Variants in BRIP1 observed in about 807,000 individuals in gnomAD.
The protein encoded by BRIP1 is BRCA1 interacting DNA helicase 1, also known as Fanconi anemia group J protein.
In BRIP1, 88 loss-of-function variants were observed where a neutral mutation model predicts 119.7. That is an observed-to-expected ratio of 0.74 (90% CI 0.62 to 0.88). The LOEUF (loss-of-function observed/expected upper bound fraction) is 0.88. Among genes scored for constraint, BRIP1 ranks in the 40% least tolerant of loss-of-function variants. The pLI is 0.00. For missense variants in BRIP1, 1,259 were observed against 1,455.4 expected (o/e 0.87, Z 2.20); for synonymous variants, 443 against 496.5 (o/e 0.89, Z 1.43).
At position 61,722,581 on chromosome 17, in the gene BRIP1, A is replaced by G. The variant is rs1389134429; in HGVS notation, c.2380-6518T>C. Among the ~76,000 whole-genome samples, 7 of 152,232 alleles carry G rather than the reference A, an allele frequency of 4.6e-5. No homozygotes were observed. The highest frequency in any genetic ancestry group is 4.6e-4 in the Admixed American group (7 of 15,278). ...TCTTTAACAATATTTTCCTCAAAGA[A>G]AGTTGACATCTACTTTGTCAGACAT... On this transcript the variant is annotated intron_variant, in intron 16 of 19. Transcript: ENST00000259008. The surrounding 1 kb of genome is among the most constrained non-coding windows in gnomAD (Gnocchi z 4.6).
chr17:61,768,138 C>T lies in BRIP1; in HGVS notation c.2097+8263G>A, dbSNP rs1470434595. On this transcript the variant is annotated intron_variant, in intron 14 of 19. Coordinates refer to ENST00000259008, the MANE Select transcript of BRIP1 (RefSeq NM_032043.3). This position sits in a 1 kb window ranked among gnomAD's most constrained non-coding sequence, Gnocchi z 5.0. ...AACTTGTTTATTTTTGAATCTTTAA[C>T]AGGACTTAGTGCAGTCCTCCGCACA... Among the ~76,000 whole-genome samples, 1 of 152,168 alleles carries T rather than the reference C, an allele frequency of 6.6e-6. No individual in the cohort carries two copies. Among genetic ancestry groups the T allele is most frequent in the African/African-American group, 2.4e-5 (1 of 41,434 alleles).
chr17:61,807,769 T>C lies in BRIP1; in HGVS notation c.918+698A>G, dbSNP rs539695923. 6.6e-6 allele frequency among the ~76,000 whole-genome samples: 1 copy of C among 152,242 alleles called. No homozygotes were observed. The highest frequency in any genetic ancestry group is 2.4e-5 in the African/African-American group (1 of 41,572). The stretch of plus-strand genomic sequence containing the variant: ...TATAATTTCATACTTGCAACTTCAA[T>C]TTTAGAGTAAACTAATTATCACACC... On this transcript the variant is annotated intron_variant, in intron 7 of 19. Coordinates refer to ENST00000259008, the MANE Select transcript of BRIP1 (RefSeq NM_032043.3). The surrounding 1 kb of genome is among the most constrained non-coding windows in gnomAD (Gnocchi z 4.5).
Position 61,753,254 on chromosome 17 carries a change from G to A in BRIP1, c.2098-8663C>T, listed in dbSNP as rs1006588325. Among the ~76,000 whole-genome samples, 4 of 152,116 alleles carry A rather than the reference G, an allele frequency of 2.6e-5. No homozygotes were observed. Among genetic ancestry groups the A allele is most frequent in the Non-Finnish European group, 5.9e-5 (4 of 68,026 alleles). ...AACTTCTCAGCCTCTGTAACTGCAA[G>A]AAATAAATTCCTTTTAAAAAATAAA... On this transcript the variant is annotated intron_variant, in intron 14 of 19. Transcript: ENST00000259008. This position sits in a 1 kb window ranked among gnomAD's most constrained non-coding sequence, Gnocchi z 4.6.
intron 16 of BRIP1, among the ~76,000 whole-genome samples, chr17:61,727,551 G>C (rs2144531450): frequency 6.6e-6 from 1 of 152,172 alleles, no homozygotes; most frequent in South Asian, 2.1e-4. Flanking sequence ...AGGATCACTT[G>C]AGGCCAGGAG....
At chr17:61,863,196 G>A (rs1159302783) in intron 1 of BRIP1, 88 bp downstream of exon 1, 1 of 152,190 alleles carries the variant, frequency 6.6e-6, no homozygotes, top group Non-Finnish European at 1.5e-5. Flanking sequence ...TGAGATCCCC[G>A]AGACCCTGGT....
At chr17:61,765,933 C>A (rs2077367342) in intron 14 of BRIP1, among the ~76,000 whole-genome samples, 1 of 151,562 alleles carries the variant, frequency 6.6e-6, no homozygotes, top group South Asian at 2.1e-4. Context: ...ATTGTTAAAG[C>A]AGCTTTTTAA....
intron 9 of BRIP1, among the ~76,000 whole-genome samples, chr17:61,797,275 A>G (rs1165533890): frequency 1.3e-5 from 2 of 151,940 alleles, no homozygotes; most frequent in African/African-American, 2.4e-5. Context: ...TTAGATATCA[A>G]AAAGAATAAG....
rs922907812 is a variant in BRIP1, at chr17:61,802,708, T to C, written c.919-1234A>G. Among the ~76,000 whole-genome samples, 10 of 152,212 alleles carry C rather than the reference T, an allele frequency of 6.6e-5. No homozygotes were observed. Among genetic ancestry groups the C allele is most frequent in the Admixed American group, 6.5e-5 (1 of 15,274 alleles). On this transcript the variant is annotated intron_variant, in intron 7 of 19. Transcript: ENST00000259008. The surrounding 1 kb of genome is among the most constrained non-coding windows in gnomAD (Gnocchi z 6.0). Reference sequence around the variant, plus strand: ...TTTTCTTATTACTGGGCTTATAGACTGTTACCAATTTCTGCTTTAGACATA... The same window carrying C: ...TTTTCTTATTACTGGGCTTATAGACCGTTACCAATTTCTGCTTTAGACATA...
intron 16 of BRIP1, among the ~76,000 whole-genome samples, chr17:61,718,960 A>G (rs1262912439): frequency 1.3e-5 from 2 of 152,194 alleles, no homozygotes; most frequent in Non-Finnish European, 2.9e-5. Flanking sequence ...TAGTTGTTAC[A>G]TTGTAGTGTT....
At chr17:61,727,079 G>A (rs368689630) in intron 16 of BRIP1, among the ~76,000 whole-genome samples, 3 of 152,152 alleles carry the variant, frequency 2.0e-5, no homozygotes, top group African/African-American at 7.2e-5. Flanking sequence ...TTAATAAGGG[G>A]ACTCAGTAAT....
chr17:61,690,140 G>A lies in BRIP1; in HGVS notation c.2575+3290C>T, dbSNP rs6504063. On this transcript the variant is annotated intron_variant, in intron 18 of 19. Transcript: ENST00000259008. This position sits in a 1 kb window ranked among gnomAD's most constrained non-coding sequence, Gnocchi z 5.6. ...GTAAAGCCATCTATCAAAATGAATA[G>A]GAGGTAAAAACTTTTCCAGATAAGC... 0.61 allele frequency among the ~76,000 whole-genome samples: 92,649 copies of A among 152,060 alleles called. 28,849 individuals carry two copies. Among genetic ancestry groups the A allele is most frequent in the Admixed American group, 0.74 (11,268 of 15,294 alleles).
Position 61,803,561 on chromosome 17 carries a change from C to G in BRIP1, c.919-2087G>C, listed in dbSNP as rs528471566. ...TACAAAAAAACAAAAAAAATTAAAC[C>G]GCAGTGAGCAGTGACCACGCCACTG... On this transcript the variant is annotated intron_variant, in intron 7 of 19. Coordinates refer to ENST00000259008, the MANE Select transcript of BRIP1 (RefSeq NM_032043.3). This position sits in a 1 kb window ranked among gnomAD's most constrained non-coding sequence, Gnocchi z 4.3. Among the ~76,000 whole-genome samples the G allele has an allele frequency of 6.6e-6, 1 of 151,838 alleles. No homozygotes were observed. The highest frequency in any genetic ancestry group is 2.1e-4 in the South Asian group (1 of 4,806).
chr17:61,859,510 T>G (rs2145846968), intron 3 of BRIP1, among the ~76,000 whole-genome samples: 1 of 152,282 alleles, frequency 6.6e-6, no homozygotes, highest in East Asian at 1.9e-4. Context: ...TGATTGTCAA[T>G]TTTTGTAGAG....
rs2078975465 is a variant in BRIP1, at chr17:61,861,644, A to G, written c.-30-75T>C. On this transcript the variant is annotated intron_variant, in intron 1 of 19. Transcript: ENST00000259008. The surrounding 1 kb of genome is among the most constrained non-coding windows in gnomAD (Gnocchi z 4.5). ...AACCAGAGAACCAAAACTAAGGGAGAAATCTGGAAACAGAAACTGGAATTA... is the reference window on the plus strand; with the variant it reads ...AACCAGAGAACCAAAACTAAGGGAGGAATCTGGAAACAGAAACTGGAATTA... 2.5e-6 allele frequency: 2 copies of G among 791,446 alleles called. No individual in the cohort carries two copies. Among genetic ancestry groups the G allele is most frequent in the South Asian group, 1.5e-5 (1 of 68,312 alleles). The allele number at this position is 791,446 out of a possible 1,614,324, so 49.0% of individuals were successfully genotyped here.
At chr17:61,737,035 G>GA (rs935093057) in intron 16 of BRIP1, among the ~76,000 whole-genome samples, 1 of 152,072 alleles carries the variant, frequency 6.6e-6, no homozygotes, top group Admixed American at 6.5e-5. Flanking sequence ...CAGAGATTCA[G>GA]ATGATAGTTA....
In BRIP1 at chr17:61,743,084, C is replaced by A. The variant is rs2077007860; in HGVS notation, c.2308G>T (p.Asp770Tyr). 1.2e-6 allele frequency: 2 copies of A among 1,613,902 alleles called. No individual in the cohort carries two copies. The highest frequency in any genetic ancestry group is 1.1e-5 in the South Asian group (1 of 91,074). Residue 770 changes from aspartate (D) to tyrosine (Y), a missense_variant, in exon 16 of 20, where the codon GAT becomes TAT. Physicochemically the swap from Asp to Tyr is radical, Grantham distance 160. Around this residue, in one of 3 missense-constraint regions of BRIP1, gnomAD observed 753 missense variants for 891.8 expected, o/e 0.84. Coordinates refer to ENST00000259008, the MANE Select transcript of BRIP1 (RefSeq NM_032043.3). The surrounding 1 kb of genome is among the most constrained non-coding windows in gnomAD (Gnocchi z 4.3). ...GCACGGGCATTGTCATCTGAGAAATCCAGACCCTCACTCACTTTACCACGA... is the reference window on the plus strand; with the variant it reads ...GCACGGGCATTGTCATCTGAGAAATACAGACCCTCACTCACTTTACCACGA... ...VCRGKVSEGL[D>Y]FSDDNARAVI...
intron 6 of BRIP1, among the ~76,000 whole-genome samples, chr17:61,826,879 TA>T (rs2078417609): frequency 6.6e-6 from 1 of 151,672 alleles, no homozygotes; most frequent in Non-Finnish European, 1.5e-5. Flanking sequence ...CTCAAAGACC[TA>T]AAAACAGAAA....
rs539506761 is a variant in BRIP1 at position 61,841,356 on chromosome 17, CA to C, written c.627+5744del. Among the ~76,000 whole-genome samples the C allele has an allele frequency of 5.1e-3, 663 of 130,792 alleles. 2 individuals are homozygous for C. The highest frequency in any genetic ancestry group is 0.011 in the African/African-American group (406 of 35,762). 85.8% of individuals were successfully genotyped at this position (130,792 alleles called of 152,430 possible). ...CCAGAATATACAAGGAACTCAACAGCAAAAAAAAAAAAATCTGATTTTAAAA... is the reference window on the plus strand; with the variant it reads ...CCAGAATATACAAGGAACTCAACAGCAAAAAAAAAAAATCTGATTTTAAAA... On this transcript the variant is annotated intron_variant, in intron 6 of 19. Coordinates refer to ENST00000259008, the MANE Select transcript of BRIP1 (RefSeq NM_032043.3). This position sits in a 1 kb window ranked among gnomAD's most constrained non-coding sequence, Gnocchi z 4.1.
rs1384600477 is a variant in BRIP1 at position 61,862,344 on chromosome 17, T to A, written c.-30-775A>T. 6.6e-6 allele frequency among the ~76,000 whole-genome samples: 1 copy of A among 152,204 alleles called. No homozygotes were observed. Among genetic ancestry groups the A allele is most frequent in the Non-Finnish European group, 1.5e-5 (1 of 68,026 alleles). On this transcript the variant is annotated intron_variant, in intron 1 of 19. Coordinates refer to ENST00000259008, the MANE Select transcript of BRIP1 (RefSeq NM_032043.3). This position sits in a 1 kb window ranked among gnomAD's most constrained non-coding sequence, Gnocchi z 5.3. ...GGCTTTGGAGTAAGGCAATCCTAAGTTTGAATTCCACTGTGTGAATCACTT... is the reference window on the plus strand; with the variant it reads ...GGCTTTGGAGTAAGGCAATCCTAAGATTGAATTCCACTGTGTGAATCACTT...
Sources: gnomAD v4.1 joint callset for allele counts (sites outside exome capture counted in the v4.1 genomes callset) on GRCh38, gnomAD v4.1.1 for gene constraint, gnomAD v4.1.1 regional missense constraint, Gnocchi (gnomAD v3.1) non-coding constraint, MANE v1.5 for transcripts, NCBI Gene and HGNC (gene_info 2026-07-23, HGNC 2026-07-21) for gene names.